PAPOLA: variants seen among roughly 807,000 people sequenced by gnomAD.
PAPOLA encodes the protein polynucleotide adenylyltransferase alpha.
PAPOLA carries 15 observed loss-of-function variants against 100.6 expected under a neutral mutation model. The ratio of observed to expected loss-of-function variants is 0.15; its 90% CI spans 0.10 to 0.23. The LOEUF is 0.23. Among genes scored for constraint, PAPOLA ranks in the 10% least tolerant of loss-of-function variants. PAPOLA has a pLI of 1.00. For missense variants in PAPOLA, 533 were observed against 884.2 expected, an observed-to-expected ratio of 0.60 and a Z score of 5.04; for synonymous variants, 293 against 300.0, an observed-to-expected ratio of 0.98 and a Z score of 0.24.
At chr14:96,524,838 A>T (rs987364427) in intron 3 of PAPOLA, among the ~76,000 whole-genome samples, 1 of 152,196 alleles carries the variant, frequency 6.6e-6, no homozygotes, top group African/African-American at 2.4e-5. Context: ...CTTTCAAGTC[A>T]CTTTTGATAT....
intron 21 of PAPOLA, among the ~76,000 whole-genome samples, chr14:96,563,490 C>T (rs1329467011): frequency 6.6e-6 from 1 of 152,094 alleles, no homozygotes; most frequent in East Asian, 1.9e-4. Context: ...AATCCTTTCA[C>T]ATGAATGAAC....
intron 17 of PAPOLA, among the ~76,000 whole-genome samples, chr14:96,555,235 T>C (rs999522020): frequency 4.7e-5 from 7 of 149,338 alleles, no homozygotes; most frequent in African/African-American, 1.2e-4. Flanking sequence ...TTTAATAATA[T>C]AGGTTTTTTT....
intron 17 of PAPOLA, 42 bp from the exon 18 acceptor site, chr14:96,555,795 TTATTTTTCTA>T: frequency 1.1e-6 from 1 of 933,208 alleles, no homozygotes; most frequent in African/African-American, 1.7e-5. Context: ...AATTTTTTTT[TTATTTTTCTA>T]TTTTTAAATT....
At chr14:96,533,418 G>A (rs1197154416) in intron 9 of PAPOLA, 1 of 981,294 alleles carries the variant, frequency 1.0e-6, no homozygotes, top group African/African-American at 1.8e-5. Flanking sequence ...ATTTAGAGCT[G>A]TGTTCAACTG....
chr14:96,564,836 T>C (rs572869964), intron 21 of PAPOLA, 119 bp from the exon 22 acceptor site: 2 of 617,466 alleles, frequency 3.2e-6, no homozygotes, highest in East Asian at 5.2e-5. Context: ...ATAGAGTTTT[T>C]AAATTTGTAA....
chr14:96,563,824 C>T (rs1023904073), intron 21 of PAPOLA, among the ~76,000 whole-genome samples: 4 of 150,040 alleles, frequency 2.7e-5, no homozygotes, highest in Middle Eastern at 3.4e-3. Context: ...AATATTGATA[C>T]GTGGACAAAC....
intron 1 of PAPOLA, among the ~76,000 whole-genome samples, chr14:96,516,015 A>G (rs567485341): frequency 3.3e-5 from 5 of 152,296 alleles, no homozygotes; most frequent in South Asian, 2.1e-4. Flanking sequence ...TTATGTTCCA[A>G]ATTGCCCAAT....
chr14:96,556,846 GAGGT>G (rs1901384125), intron 19 of PAPOLA, among the ~76,000 whole-genome samples: 1 of 152,178 alleles, frequency 6.6e-6, no homozygotes, highest in South Asian at 2.1e-4. Context: ...TCAAATACCA[GAGGT>G]TCTCAGGGAC....
intron 1 of PAPOLA, among the ~76,000 whole-genome samples, chr14:96,512,385 A>T (rs895012656): frequency 3.3e-5 from 5 of 152,162 alleles, no homozygotes; most frequent in Admixed American, 2.6e-4. Flanking sequence ...AAATTAAAAA[A>T]ATATATATCT....
chr14:96,534,784 T>G, intron 10 of PAPOLA: 1 of 1,295,368 alleles, frequency 7.7e-7, no homozygotes, highest in Non-Finnish European at 9.8e-7. Context: ...TACATAGTTT[T>G]TAATACAGAT....
At position 96,565,578 on chromosome 14, in the gene PAPOLA, T is replaced by A. The variant is rs548152130; in HGVS notation, c.*528T>A. 79 of 395,614 alleles carry A rather than the reference T, an allele frequency of 2.0e-4. No individual in the cohort carries two copies. Among genetic ancestry groups the A allele is most frequent in the Middle Eastern group, 1.3e-3 (2 of 1,562 alleles). The allele number at this position is 395,614 out of a possible 1,614,324, so 24.5% of individuals were successfully genotyped here. A position where few individuals can be genotyped will look rare whatever the true frequency, so the allele number is the denominator to read the frequency against. On this transcript the variant is annotated 3_prime_UTR_variant, in exon 22 of 22. Coordinates refer to ENST00000216277, the MANE Select transcript of PAPOLA (RefSeq NM_032632.5). ...ACTTCAGAGAAAGGGTAAGAGTACA[T>A]CTAGTTCAGTTCCTATGAGGTAGCT...
At chr14:96,544,800 TTGA>T (rs1173270372) in intron 15 of PAPOLA, among the ~76,000 whole-genome samples, 1 of 151,992 alleles carries the variant, frequency 6.6e-6, no homozygotes, top group Non-Finnish European at 1.5e-5. Flanking sequence ...ACCTGAGAAA[TTGA>T]TGAAGCAGAA....
chr14:96,527,670 T>G, intron 5 of PAPOLA, 131 bp downstream of exon 5: 1 of 626,580 alleles, frequency 1.6e-6, no homozygotes, highest in Admixed American at 2.8e-5. Context: ...ACTTGGCATA[T>G]GTGTTTGTGT....
At chr14:96,554,371 T>C (rs1034816345) in intron 17 of PAPOLA, among the ~76,000 whole-genome samples, 3 of 152,258 alleles carry the variant, frequency 2.0e-5, no homozygotes, top group Middle Eastern at 3.2e-3. Flanking sequence ...CATTATTCTT[T>C]TGTCTGTTTA....
chr14:96,539,285 T>C (rs1024876385), intron 12 of PAPOLA, among the ~76,000 whole-genome samples: 1 of 152,112 alleles, frequency 6.6e-6, no homozygotes, highest in Non-Finnish European at 1.5e-5. Flanking sequence ...TTAAATTTGT[T>C]AAAAAAGTTA....
At chr14:96,547,987 T>A in intron 16 of PAPOLA, 69 bp downstream of exon 16, 1 of 1,328,640 alleles carries the variant, frequency 7.5e-7, no homozygotes, top group Non-Finnish European at 1.0e-6. Context: ...TATCATTATT[T>A]CAGAATTTAG....
intron 19 of PAPOLA, among the ~76,000 whole-genome samples, chr14:96,558,523 C>T (rs528942285): frequency 7.2e-5 from 11 of 152,220 alleles, no homozygotes; most frequent in African/African-American, 2.6e-4. Context: ...TAGAATAACA[C>T]TTGTGTTTCT....
intron 1 of PAPOLA, among the ~76,000 whole-genome samples, chr14:96,516,699 T>C (rs1438981638): frequency 6.6e-6 from 1 of 152,212 alleles, no homozygotes; most frequent in East Asian, 1.9e-4. Context: ...CAGAAAGTAA[T>C]ACTGAGGCTA....
chr14:96,512,917 C>G (rs760043755), intron 1 of PAPOLA, among the ~76,000 whole-genome samples: 5 of 152,148 alleles, frequency 3.3e-5, no homozygotes, highest in Non-Finnish European at 5.9e-5. Flanking sequence ...AAAGAAGCTC[C>G]CTTTTTAGGG....
Sources: allele counts gnomAD v4.1 joint callset (sites outside exome capture counted in the v4.1 genomes callset), GRCh38; gene constraint gnomAD v4.1.1; transcripts MANE v1.5; gene names NCBI Gene and HGNC (gene_info 2026-07-23, HGNC 2026-07-21).